CADM2: variants seen among roughly 807,000 people sequenced by gnomAD.
CADM2 encodes the protein cell adhesion molecule 2, also known as immunoglobulin superfamily member 4D.
In CADM2, 12 loss-of-function variants were observed where a neutral mutation model predicts 49.8. The observed-to-expected ratio is 0.24, with a 90% CI of 0.15 to 0.39. The LOEUF is 0.39. Ranked by LOEUF, CADM2 falls within the 10% of genes least tolerant of loss-of-function variation. CADM2 has a pLI of 1.00. For synonymous variants in CADM2, 214 were observed against 175.4 expected, an observed-to-expected ratio of 1.22 and a Z score of -1.74; for missense variants, 378 against 492.3, an observed-to-expected ratio of 0.77 and a Z score of 2.20.
At chr3:85,477,937 T>C (rs898467686) in intron 1 of CADM2, among the ~76,000 whole-genome samples, 1 of 151,930 alleles carries the variant, frequency 6.6e-6, no homozygotes, top group Non-Finnish European at 1.5e-5. Flanking sequence ...TTAAAACATG[T>C]TGTTGGAAAC....
chr3:85,598,845 G>A (rs1036444811), intron 1 of CADM2, among the ~76,000 whole-genome samples: 5 of 129,966 alleles, frequency 3.8e-5, no homozygotes, highest in Non-Finnish European at 8.5e-5. Context: ...ATACTTAAGT[G>A]TGTGTGTGTG....
intron 2 of CADM2, among the ~76,000 whole-genome samples, chr3:85,746,988 G>T (rs1026706590): frequency 2.0e-5 from 3 of 152,036 alleles, no homozygotes; most frequent in Non-Finnish European, 2.9e-5. Flanking sequence ...TCAGGATACT[G>T]AATAACCTGA....
intron 8 of CADM2, among the ~76,000 whole-genome samples, chr3:86,064,365 C>A (rs1035071253): frequency 6.6e-6 from 1 of 152,060 alleles, no homozygotes; most frequent in African/African-American, 2.4e-5. Context: ...TCATCCATGT[C>A]CCTACAAAGG....
At chr3:85,810,082 G>A (rs1334846747) in intron 3 of CADM2, among the ~76,000 whole-genome samples, 2 of 152,014 alleles carry the variant, frequency 1.3e-5, no homozygotes, top group Admixed American at 6.6e-5. Context: ...AGAAAGTAGC[G>A]ACAGTAGGAG....
chr3:85,792,624 C>T (rs752016071), intron 2 of CADM2, among the ~76,000 whole-genome samples: 12 of 152,190 alleles, frequency 7.9e-5, no homozygotes, highest in Non-Finnish European at 1.8e-4. Context: ...AGCAAGCACT[C>T]ATGTGCAGTG....
At position 85,527,551 on chromosome 3, in the gene CADM2, G is replaced by T. The variant is rs568917642; in HGVS notation, c.62-198971G>T. Reference sequence around the variant, plus strand: ...GATAAATTATCATTATTTTCCTTAAGATATTGTTTTTGACAATGACATCTC... The same window carrying T: ...GATAAATTATCATTATTTTCCTTAATATATTGTTTTTGACAATGACATCTC... On this transcript the variant is annotated intron_variant, in intron 1 of 9. Transcript: ENST00000383699. Among the ~76,000 whole-genome samples, 9 of 150,938 alleles carry T rather than the reference G, an allele frequency of 6.0e-5. No homozygotes were observed. In the East Asian group the frequency reaches 1.4e-3, roughly 24 times the overall value.
intron 1 of CADM2, among the ~76,000 whole-genome samples, chr3:85,659,125 G>T (rs1362359358): frequency 6.6e-6 from 1 of 150,756 alleles, no homozygotes; most frequent in Non-Finnish European, 1.5e-5. Flanking sequence ...CCTTTCTGAG[G>T]TTTAGTCCAA....
At chr3:84,979,207 G>A (rs2032015736) in intron 1 of CADM2, among the ~76,000 whole-genome samples, 1 of 152,102 alleles carries the variant, frequency 6.6e-6, no homozygotes, top group African/African-American at 2.4e-5. Flanking sequence ...TGACAAAAGT[G>A]TTATATAATG....
At chr3:85,082,132 A>C (rs1317878267) in intron 1 of CADM2, among the ~76,000 whole-genome samples, 1 of 152,174 alleles carries the variant, frequency 6.6e-6, no homozygotes, top group Non-Finnish European at 1.5e-5. Flanking sequence ...TCAGATCACA[A>C]GCGTCTCTTC....
At chr3:85,262,512 C>T (rs2043034973) in intron 1 of CADM2, among the ~76,000 whole-genome samples, 1 of 151,858 alleles carries the variant, frequency 6.6e-6, no homozygotes, top group Admixed American at 6.6e-5. Context: ...CATAATAAAG[C>T]CATGATAAAT....
At chr3:85,560,611 G>C (rs2107175683) in intron 1 of CADM2, among the ~76,000 whole-genome samples, 1 of 152,294 alleles carries the variant, frequency 6.6e-6, no homozygotes, top group East Asian at 1.9e-4. Flanking sequence ...CAAGTCAAAT[G>C]CTGAATTGTG....
At chr3:85,443,527 C>T (rs1273267949) in intron 1 of CADM2, among the ~76,000 whole-genome samples, 1 of 152,142 alleles carries the variant, frequency 6.6e-6, no homozygotes, top group Non-Finnish European at 1.5e-5. Context: ...TTTATTCCCA[C>T]TGCTTCACTA....
At chr3:85,589,166 G>A (rs1273308423) in intron 1 of CADM2, among the ~76,000 whole-genome samples, 1 of 151,856 alleles carries the variant, frequency 6.6e-6, no homozygotes, top group Non-Finnish European at 1.5e-5. Context: ...GGAGGCTGGG[G>A]GTGTCACCCT....
At chr3:85,633,652 A>T (rs2064376155) in intron 1 of CADM2, among the ~76,000 whole-genome samples, 1 of 152,090 alleles carries the variant, frequency 6.6e-6, no homozygotes, top group Admixed American at 6.6e-5. Context: ...CCTGTTTTTC[A>T]TAGAATATCA....
intron 1 of CADM2, among the ~76,000 whole-genome samples, chr3:85,206,067 G>T (rs72911121): frequency 0.072 from 10,967 of 152,022 alleles, 1,319 homozygotes; most frequent in African/African-American, 0.25. Flanking sequence ...AATCAAAGAA[G>T]TTCCGGATGT....
intron 1 of CADM2, among the ~76,000 whole-genome samples, chr3:85,040,666 A>G (rs1402525038): frequency 6.6e-6 from 1 of 152,222 alleles, no homozygotes; most frequent in Non-Finnish European, 1.5e-5. Context: ...GCTACTTTGC[A>G]TTCTGATTAT....
At chr3:85,573,158 T>G (rs1210931810) in intron 1 of CADM2, among the ~76,000 whole-genome samples, 2 of 2,998 alleles carry the variant, frequency 6.7e-4, no homozygotes, top group Admixed American at 5.8e-3. Flanking sequence ...ACGTGCTTAT[T>G]TTATTTATTT....
At chr3:85,877,682 CTGTTTTT>C (rs1253347028) in intron 3 of CADM2, among the ~76,000 whole-genome samples, 6 of 78,704 alleles carry the variant, frequency 7.6e-5, no homozygotes, top group African/African-American at 3.7e-4. Context: ...TTTTTTTCTT[CTGTTTTT>C]TTTTTTTTTT....
intron 1 of CADM2, among the ~76,000 whole-genome samples, chr3:85,256,539 T>C (rs1467016327): frequency 6.6e-6 from 1 of 152,128 alleles, no homozygotes; most frequent in African/African-American, 2.4e-5. Context: ...GATATTGACT[T>C]TCTACAAAGT....
Sources: gnomAD v4.1 joint callset for allele counts (sites outside exome capture counted in the v4.1 genomes callset) on GRCh38, gnomAD v4.1.1 for gene constraint, MANE v1.5 for transcripts, NCBI Gene and HGNC (gene_info 2026-07-23, HGNC 2026-07-21) for gene names.